Variants in NRXN3 observed in about 807,000 individuals in gnomAD.
The protein encoded by NRXN3 is neurexin 3.
NRXN3 carries 32 observed loss-of-function variants against 137.6 expected under a neutral mutation model. That is an observed-to-expected ratio of 0.23 (90% CI 0.18 to 0.31). The LOEUF (loss-of-function observed/expected upper bound fraction) is 0.31. Ranked by LOEUF, NRXN3 falls within the 10% of genes least tolerant of loss-of-function variation. NRXN3 has a pLI of 1.00. For missense variants in NRXN3, 1,574 were observed against 2,062.5 expected (o/e 0.76, Z 4.59); for synonymous variants, 798 against 784.5 (o/e 1.02, Z -0.29).
chr14:78,666,917 A>G (rs960285439), intron 6 of NRXN3, among the ~76,000 whole-genome samples: 10 of 152,122 alleles, frequency 6.6e-5, no homozygotes, highest in Admixed American at 2.0e-4. Context: ...CCACCTCCTC[A>G]TAGTTCCTCC....
chr14:79,317,641 A>C (rs1185579039), intron 15 of NRXN3, among the ~76,000 whole-genome samples: 1 of 152,176 alleles, frequency 6.6e-6, no homozygotes, highest in Non-Finnish European at 1.5e-5. Context: ...AGCCCCGGCA[A>C]CCGAATTGTA....
At chr14:79,411,097 G>A (rs1243288622) in intron 15 of NRXN3, among the ~76,000 whole-genome samples, 1 of 152,066 alleles carries the variant, frequency 6.6e-6, no homozygotes, top group Non-Finnish European at 1.5e-5. Context: ...TTTTGTCCAA[G>A]TGGTTACTGT....
At chr14:79,276,232 G>T (rs1254682050) in intron 15 of NRXN3, among the ~76,000 whole-genome samples, 3 of 152,132 alleles carry the variant, frequency 2.0e-5, no homozygotes, top group Non-Finnish European at 2.9e-5. Flanking sequence ...GACCTAAAAA[G>T]AACAGGATCC....
intron 16 of NRXN3, among the ~76,000 whole-genome samples, chr14:79,536,254 A>G (rs531766853): frequency 1.2e-4 from 18 of 152,186 alleles, no homozygotes; most frequent in Admixed American, 2.0e-4. Context: ...TACACAGAGC[A>G]TGGAAAACCA....
chr14:78,323,968 C>T (rs1017023802), intron 4 of NRXN3, among the ~76,000 whole-genome samples: 7 of 152,010 alleles, frequency 4.6e-5, no homozygotes, highest in African/African-American at 1.5e-4. Context: ...GCTTCATGGC[C>T]ATTATCTCAC....
intron 15 of NRXN3, among the ~76,000 whole-genome samples, chr14:78,995,229 C>G (rs2099527481): frequency 6.6e-6 from 1 of 152,160 alleles, no homozygotes; most frequent in Non-Finnish European, 1.5e-5. Context: ...CATTTCAGGT[C>G]TTCCTTCTTA....
At chr14:79,056,779 A>G (rs1476246421) in intron 15 of NRXN3, among the ~76,000 whole-genome samples, 1 of 152,232 alleles carries the variant, frequency 6.6e-6, no homozygotes, top group Non-Finnish European at 1.5e-5. Context: ...AATAAGTGAG[A>G]TGGACAAGGC....
intron 4 of NRXN3, among the ~76,000 whole-genome samples, chr14:78,350,806 G>C (rs1597635240): frequency 6.6e-6 from 1 of 152,114 alleles, no homozygotes; most frequent in Admixed American, 6.5e-5. Flanking sequence ...TAGGGTGTGA[G>C]AGTTTCTATA....
At chr14:79,765,468 T>C (rs574772238) in intron 19 of NRXN3, among the ~76,000 whole-genome samples, 26 of 152,352 alleles carry the variant, frequency 1.7e-4, no homozygotes, top group Middle Eastern at 3.4e-3. Flanking sequence ...GTTTGGCTTA[T>C]GTGCTCTTGC....
At chr14:78,764,376 A>G (rs1426099854) in intron 8 of NRXN3, among the ~76,000 whole-genome samples, 2 of 152,168 alleles carry the variant, frequency 1.3e-5, no homozygotes, top group African/African-American at 4.8e-5. Context: ...CAAATGATTC[A>G]TTGCAGGAGG....
At chr14:79,445,289 G>A (rs897878398) in intron 15 of NRXN3, among the ~76,000 whole-genome samples, 7 of 150,242 alleles carry the variant, frequency 4.7e-5, no homozygotes, top group African/African-American at 1.5e-4. Flanking sequence ...GCAGTGAGCC[G>A]AGATCACGCC....
chr14:78,450,407 T>G (rs1285331359), intron 4 of NRXN3, among the ~76,000 whole-genome samples: 6 of 152,170 alleles, frequency 3.9e-5, no homozygotes, highest in African/African-American at 9.7e-5. Context: ...TTGTGTTAAA[T>G]GGGATGGAGG....
At position 79,643,345 on chromosome 14, in the gene NRXN3, C is replaced by G. The variant is rs910491256; in HGVS notation, c.3445-20433C>G. On this transcript the variant is annotated intron_variant, in intron 16 of 20. Transcript: ENST00000335750. Reference sequence around the variant, plus strand: ...TATCACCTTCCACAGTTGAGTCTACCTAGGTCCTTGGCCTCCTGCCCTTTT... The same window carrying G: ...TATCACCTTCCACAGTTGAGTCTACGTAGGTCCTTGGCCTCCTGCCCTTTT... Among the ~76,000 whole-genome samples the G allele has an allele frequency of 9.6e-5, 13 of 135,832 alleles. 2 individuals are homozygous for G. The highest frequency in any genetic ancestry group is 2.9e-4 in the African/African-American group (12 of 40,768). 89.1% of individuals were successfully genotyped at this position (135,832 alleles called of 152,430 possible).
intron 10 of NRXN3, among the ~76,000 whole-genome samples, chr14:78,875,971 C>T (rs1046460584): frequency 6.6e-6 from 1 of 152,178 alleles, no homozygotes; most frequent in African/African-American, 2.4e-5. Context: ...AGTAACTCCT[C>T]TGGGGCCTCA....
At chr14:78,348,390 C>G (rs2083028036) in intron 4 of NRXN3, among the ~76,000 whole-genome samples, 1 of 152,168 alleles carries the variant, frequency 6.6e-6, no homozygotes, top group African/African-American at 2.4e-5. Context: ...TTAGTTTACT[C>G]TTTCAAGGGC....
At chr14:79,627,813 A>G (rs1471884955) in intron 16 of NRXN3, among the ~76,000 whole-genome samples, 2 of 152,144 alleles carry the variant, frequency 1.3e-5, no homozygotes, top group Non-Finnish European at 2.9e-5. Context: ...GGGTGCTGAG[A>G]TATAGCAGAT....
chr14:79,176,225 A>G (rs2062327604), intron 15 of NRXN3, among the ~76,000 whole-genome samples: 1 of 152,186 alleles, frequency 6.6e-6, no homozygotes, highest in Non-Finnish European at 1.5e-5. Context: ...ACTAGAATCT[A>G]TCTCCATCCA....
At position 78,547,360 on chromosome 14, in the gene NRXN3, C is replaced by A. The variant is rs138695101; in HGVS notation, c.758-97760C>A. On this transcript the variant is annotated intron_variant, in intron 4 of 20. Coordinates refer to ENST00000335750, the MANE Select transcript of NRXN3 (RefSeq NM_001330195.2). The stretch of plus-strand genomic sequence containing the variant: ...AGCTGGGATTACAGGCGCCCGCTAC[C>A]ACATTTTTTTTGTATTTTTAGTAGA... 5.9e-5 allele frequency among the ~76,000 whole-genome samples: 9 copies of A among 152,136 alleles called. No homozygotes were observed. In the East Asian group the frequency reaches 1.7e-3, roughly 29 times the overall value.
chr14:79,458,597 G>A (rs2096286515), intron 15 of NRXN3, among the ~76,000 whole-genome samples: 1 of 152,150 alleles, frequency 6.6e-6, no homozygotes, highest in South Asian at 2.1e-4. Context: ...TGGCTTCCAG[G>A]AGCTCGTAGT....
Sources: allele counts gnomAD v4.1 joint callset (sites outside exome capture counted in the v4.1 genomes callset), GRCh38; gene constraint gnomAD v4.1.1; transcripts MANE v1.5; gene names NCBI Gene and HGNC (gene_info 2026-07-23, HGNC 2026-07-21).